The following TMTC1 variants were observed in gnomAD, a reference collection of about 807,000 sequenced individuals.
TMTC1 encodes the protein protein O-mannosyl-transferase TMTC1.
In TMTC1, 73 loss-of-function variants were observed where a neutral mutation model predicts 104.8. The ratio of observed to expected loss-of-function variants is 0.70; its 90% CI spans 0.58 to 0.85. TMTC1 has a LOEUF of 0.85. TMTC1 is among the 40% of genes least tolerant of loss of function. TMTC1 has a pLI of 0.00. For missense variants in TMTC1, 1,035 were observed against 1,096.1 expected, an observed-to-expected ratio of 0.94 and a Z score of 0.79; for synonymous variants, 434 against 428.7, an observed-to-expected ratio of 1.01 and a Z score of -0.15.
At chr12:29,620,770 C>T (rs1443963752) in intron 6 of TMTC1, among the ~76,000 whole-genome samples, 1 of 152,210 alleles carries the variant, frequency 6.6e-6, no homozygotes, top group Non-Finnish European at 1.5e-5. Context: ...AGCTGGAAAA[C>T]TGTGACCCAC....
intron 5 of TMTC1, among the ~76,000 whole-genome samples, chr12:29,644,044 T>TTATATA (rs1939126312): frequency 1.0e-5 from 1 of 97,472 alleles, no homozygotes; most frequent in Non-Finnish European, 1.9e-5. Context: ...AATATATAAT[T>TTATATA]TATATATAAA....
intron 5 of TMTC1, among the ~76,000 whole-genome samples, chr12:29,741,650 TA>T (rs1250542393): frequency 6.6e-6 from 1 of 152,158 alleles, no homozygotes; most frequent in Non-Finnish European, 1.5e-5. Flanking sequence ...AGCTATTCTC[TA>T]AAAAAGAAAA....
chr12:29,699,386 C>T (rs1941515602), intron 5 of TMTC1, among the ~76,000 whole-genome samples: 1 of 151,990 alleles, frequency 6.6e-6, no homozygotes, highest in Admixed American at 6.6e-5. Context: ...AAGGTGAAAG[C>T]AACTTAAATT....
intron 7 of TMTC1, among the ~76,000 whole-genome samples, chr12:29,589,296 T>C (rs1328594267): frequency 6.6e-6 from 1 of 152,224 alleles, no homozygotes; most frequent in Non-Finnish European, 1.5e-5. Context: ...ATTGTTTCTG[T>C]GATTCTGTGT....
chr12:29,768,786 A>G (rs778763481), intron 1 of TMTC1, among the ~76,000 whole-genome samples: 6 of 152,250 alleles, frequency 3.9e-5, no homozygotes, highest in Non-Finnish European at 7.3e-5. Context: ...CAATTAAAAG[A>G]GAACCACAAA....
At position 29,673,028 on chromosome 12, in the gene TMTC1, G is replaced by A. The variant is rs534245259; in HGVS notation, c.939-39692C>T. 2.0e-3 allele frequency among the ~76,000 whole-genome samples: 308 copies of A among 152,238 alleles called. 2 individuals are homozygous for A. The highest frequency in any genetic ancestry group is 7.1e-3 in the African/African-American group (294 of 41,518). ...CAGAGCCACAAGAGCTAGAAAGTGG[G>A]GAATCCAGTCATTGCTGCACTATAT... On this transcript the variant is annotated intron_variant, in intron 5 of 17. Coordinates refer to ENST00000539277, the MANE Select transcript of TMTC1 (RefSeq NM_001193451.2).
At position 29,520,692 on chromosome 12, in the gene TMTC1, T is replaced by C. The variant is rs1187662638; in HGVS notation, c.1814A>G (p.Tyr605Cys). 6.2e-7 allele frequency: 1 copy of C among 1,613,174 alleles called. No individual in the cohort carries two copies. The highest frequency in any genetic ancestry group is 1.3e-5 in the African/African-American group (1 of 74,868). ...TGGACAGTTCTTTATTCCAGTTTGG[T>C]ATATTTCTTCAGCTTCTTTAAACCG... is the stretch of plus-strand genomic sequence containing the variant. ...QERFKEAEEI[Y>C]QTGIKNCPDS... is the part of the protein sequence containing the mutation. Residue 605 changes from tyrosine (Y) to cysteine (C), a missense_variant, in exon 12 of 18, where the codon TAC (tyrosine) becomes TGC (cysteine). Transcript: ENST00000539277.
Position 29,633,217 on chromosome 12 carries a change from C to G in TMTC1, c.1058G>C (p.Arg353Pro), listed in dbSNP as rs375595309. The G allele has an allele frequency of 1.9e-6, 3 of 1,613,962 alleles. No individual in the cohort carries two copies. Among genetic ancestry groups the G allele is most frequent in the Non-Finnish European group, 1.7e-6 (2 of 1,179,962 alleles). The part of the protein sequence containing the change: ...IPLVETIWDM[R>P]NLATIFLAVV... ...CGCCAGAAAGATGGTGGCTAAGTTC[C>G]GCATGTCCCATATGGTCTCTACCAG... Residue 353 changes from arginine to proline, a missense_variant, in exon 6 of 18, where the codon CGG (arginine) becomes CCG (proline). Coordinates refer to ENST00000539277, the MANE Select transcript of TMTC1 (RefSeq NM_001193451.2).
At chr12:29,677,092 A>T (rs1196900962) in intron 5 of TMTC1, among the ~76,000 whole-genome samples, 1 of 152,246 alleles carries the variant, frequency 6.6e-6, no homozygotes, top group African/African-American at 2.4e-5. Context: ...TTAAGCCATT[A>T]GGATTTTCAG....
intron 10 of TMTC1, among the ~76,000 whole-genome samples, chr12:29,552,954 A>C (rs1945144806): frequency 6.6e-6 from 1 of 152,212 alleles, no homozygotes; most frequent in South Asian, 2.1e-4. Context: ...AAATGTATTA[A>C]GGTAAGCAGA....
At chr12:29,684,445 A>G (rs1941027865) in intron 5 of TMTC1, among the ~76,000 whole-genome samples, 1 of 152,220 alleles carries the variant, frequency 6.6e-6, no homozygotes, top group Non-Finnish European at 1.5e-5. Context: ...TGACAATTTT[A>G]ACAACAGCAA....
chr12:29,573,665 AG>A (rs1945742270), intron 8 of TMTC1, among the ~76,000 whole-genome samples: 1 of 152,206 alleles, frequency 6.6e-6, no homozygotes, highest in African/African-American at 2.4e-5. Flanking sequence ...AAATGAAATT[AG>A]CCTCTGGAGG....
intron 5 of TMTC1, among the ~76,000 whole-genome samples, chr12:29,745,327 T>C (rs1366032584): frequency 6.6e-6 from 1 of 151,856 alleles, no homozygotes; most frequent in Admixed American, 6.6e-5. Flanking sequence ...ATTCACTACA[T>C]TAAAAAGAAA....
rs7975573 is a variant in TMTC1, at chr12:29,653,170, C to T, written c.939-19834G>A. Among the ~76,000 whole-genome samples, 1,199 of 152,020 alleles carry T rather than the reference C, an allele frequency of 7.9e-3. 15 individuals carry two copies. The highest frequency in any genetic ancestry group is 0.028 in the African/African-American group (1,147 of 41,452). ...GTGGATCCTAACGGGTGTAGGAAACCACTGACCTTGTAAATATCAAGCCAG... is the reference window on the plus strand; with the variant it reads ...GTGGATCCTAACGGGTGTAGGAAACTACTGACCTTGTAAATATCAAGCCAG... On this transcript the variant is annotated intron_variant, in intron 5 of 17. Transcript: ENST00000539277.
chr12:29,740,434 C>T (rs1942794418), intron 5 of TMTC1, among the ~76,000 whole-genome samples: 1 of 152,112 alleles, frequency 6.6e-6, no homozygotes, highest in Admixed American at 6.5e-5. Flanking sequence ...AGCCTCTCAG[C>T]CTACATCTTT....
chr12:29,736,248 C>T (rs1352484244), intron 5 of TMTC1, among the ~76,000 whole-genome samples: 1 of 139,656 alleles, frequency 7.2e-6, no homozygotes, highest in African/African-American at 2.7e-5. Flanking sequence ...TAGTTTCACT[C>T]CTTAGGTAAA....
chr12:29,586,272 T>C (rs1004530580), intron 7 of TMTC1, among the ~76,000 whole-genome samples: 2 of 152,164 alleles, frequency 1.3e-5, no homozygotes, highest in African/African-American at 4.8e-5. Context: ...TTGTGATTTT[T>C]GTACATTGAT....
At chr12:29,673,115 G>A (rs1043903046) in intron 5 of TMTC1, among the ~76,000 whole-genome samples, 6 of 152,088 alleles carry the variant, frequency 3.9e-5, no homozygotes, top group East Asian at 1.9e-4. Context: ...GAAGATTTCA[G>A]TTTTATTTCA....
chr12:29,618,669 G>T (rs1947052992), intron 6 of TMTC1, among the ~76,000 whole-genome samples: 1 of 151,778 alleles, frequency 6.6e-6, no homozygotes, highest in East Asian at 1.9e-4. Flanking sequence ...TAAAGAATCT[G>T]ACAGTCAATC....
Sources: gnomAD v4.1 joint callset for allele counts (sites outside exome capture counted in the v4.1 genomes callset) on GRCh38, gnomAD v4.1.1 for gene constraint, MANE v1.5 for transcripts, NCBI Gene and HGNC (gene_info 2026-07-23, HGNC 2026-07-21) for gene names.